Variants in PDE1C observed in about 807,000 individuals in gnomAD.
The protein encoded by PDE1C is dual specificity calcium/calmodulin-dependent 3',5'-cyclic nucleotide phosphodiesterase 1C.
In PDE1C, 62 loss-of-function variants were observed where a neutral mutation model predicts 93.1. That is an observed-to-expected ratio of 0.67 (90% confidence interval 0.54 to 0.82). The LOEUF is 0.82. Among genes scored for constraint, PDE1C ranks in the 40% least tolerant of loss-of-function variants. PDE1C has a pLI of 0.00. For missense variants in PDE1C, 742 were observed against 884.6 expected (o/e 0.84, Z 2.04); for synonymous variants, 325 against 310.1 (o/e 1.05, Z -0.50).
chr7:31,979,938 C>G (rs1365669371), intron 2 of PDE1C, among the ~76,000 whole-genome samples: 1 of 152,158 alleles, frequency 6.6e-6, no homozygotes, highest in Non-Finnish European at 1.5e-5. Context: ...CTCATTTTAT[C>G]CTGACAGCAG....
intron 10 of PDE1C, 57 bp downstream of exon 10, chr7:31,837,813 A>T: frequency 9.3e-7 from 1 of 1,073,236 alleles, no homozygotes; most frequent in Non-Finnish European, 1.5e-6. Context: ...AGCCACATAG[A>T]CGAGGACCCA....
At chr7:31,797,778 C>T (rs184116694) in intron 16 of PDE1C, among the ~76,000 whole-genome samples, 14 of 151,708 alleles carry the variant, frequency 9.2e-5, no homozygotes, top group Admixed American at 2.6e-4. Context: ...TTAAAAACAA[C>T]GCAGTATCGT....
At chr7:32,078,734 G>A (rs1262581957) in intron 3 of PDE1C, among the ~76,000 whole-genome samples, 8 of 152,082 alleles carry the variant, frequency 5.3e-5, no homozygotes, top group Non-Finnish European at 1.2e-4. Context: ...AGATCAGCCT[G>A]GGCAACATGG....
chr7:32,110,808 C>A (rs1243527585), intron 3 of PDE1C, among the ~76,000 whole-genome samples: 1 of 152,274 alleles, frequency 6.6e-6, no homozygotes, highest in Non-Finnish European at 1.5e-5. Context: ...ACATTGGTGA[C>A]CAGTAAAATA....
chr7:31,878,838 A>C (rs1231496763), intron 4 of PDE1C, among the ~76,000 whole-genome samples, 158 bp downstream of exon 4: 1 of 152,226 alleles, frequency 6.6e-6, no homozygotes, highest in Non-Finnish European at 1.5e-5. Context: ...TAAAATAGAT[A>C]TGTTTTTGCC....
intron 16 of PDE1C, among the ~76,000 whole-genome samples, chr7:31,801,686 T>C (rs1176909890): frequency 1.3e-5 from 2 of 151,526 alleles, no homozygotes; most frequent in East Asian, 1.9e-4. Flanking sequence ...AATGATTATA[T>C]TCTCTTGATA....
At chr7:31,643,674 C>A in the PDE1C span, 6 of 1,613,944 alleles carry the variant, frequency 3.7e-6, no homozygotes, top group Non-Finnish European at 5.1e-6. Context: ...CAGCTCTAAG[C>A]AACAAGACCT....
intron 2 of PDE1C, among the ~76,000 whole-genome samples, chr7:32,176,266 G>C (rs1802980117): frequency 6.6e-6 from 1 of 151,978 alleles, no homozygotes; most frequent in African/African-American, 2.4e-5. Flanking sequence ...CTGATAAGGA[G>C]TGATTTCCAA....
chr7:32,359,933 A>C (rs1449709541), intron 1 of PDE1C, among the ~76,000 whole-genome samples: 1 of 152,222 alleles, frequency 6.6e-6, no homozygotes, highest in Non-Finnish European at 1.5e-5. Flanking sequence ...CCACCCAAGC[A>C]CATCCATTCC....
At chr7:32,029,159 T>C (rs30565) in intron 2 of PDE1C, among the ~76,000 whole-genome samples, 130,295 of 152,172 alleles carry the variant, frequency 0.86, 55,987 homozygotes, top group African/African-American at 0.91. Flanking sequence ...CATTGTTAAT[T>C]ATTAGGGAAA....
chr7:31,785,956 C>G (rs764044921), intron 16 of PDE1C: 1 of 152,020 alleles, frequency 6.6e-6, no homozygotes, highest in Admixed American at 6.6e-5. Context: ...GATAATGAGG[C>G]CTTTAATCAT....
At chr7:31,660,113 C>A in the PDE1C span, among the ~76,000 whole-genome samples, 2 of 152,120 alleles carry the variant, frequency 1.3e-5, no homozygotes, top group African/African-American at 2.4e-5. Flanking sequence ...CACCTTCCAC[C>A]ATGATTGTAA....
At chr7:31,972,493 T>C (rs573043558) in intron 2 of PDE1C, among the ~76,000 whole-genome samples, 3 of 152,196 alleles carry the variant, frequency 2.0e-5, no homozygotes, top group Non-Finnish European at 4.4e-5. Flanking sequence ...AGGTAATTCT[T>C]ATTGTCATTG....
intron 1 of PDE1C, among the ~76,000 whole-genome samples, chr7:32,382,104 T>C (rs1322364582): frequency 6.6e-6 from 1 of 151,926 alleles, no homozygotes; most frequent in African/African-American, 2.4e-5. Context: ...TCACATCTGG[T>C]AGATGGCAGA....
intron 2 of PDE1C, among the ~76,000 whole-genome samples, chr7:32,047,422 C>T (rs996139229): frequency 6.6e-6 from 1 of 152,124 alleles, no homozygotes; most frequent in Non-Finnish European, 1.5e-5. Context: ...GGATTTAAAA[C>T]CCAATCCAAT....
intron 2 of PDE1C, among the ~76,000 whole-genome samples, chr7:31,950,276 ATGAGGGTGT>A (rs2129013526): frequency 6.6e-6 from 1 of 152,300 alleles, no homozygotes; most frequent in South Asian, 2.1e-4. Context: ...CAATGGGCTT[ATGAGGGTGT>A]TGACATGAAA....
chr7:32,373,447 C>T (rs374763), intron 1 of PDE1C, among the ~76,000 whole-genome samples: 136,683 of 151,814 alleles, frequency 0.9, 62,492 homozygotes, highest in East Asian at 1. Flanking sequence ...TTAGGGGTTG[C>T]CTAGAGCAGG....
chr7:32,332,330 G>T (rs191532388), intron 1 of PDE1C, among the ~76,000 whole-genome samples: 12 of 152,210 alleles, frequency 7.9e-5, no homozygotes, highest in Non-Finnish European at 1.5e-4. Flanking sequence ...CTGATAATCA[G>T]CTACTGCTAC....
intron 2 of PDE1C, among the ~76,000 whole-genome samples, chr7:31,922,844 A>T (rs544963683): frequency 4.2e-4 from 64 of 151,578 alleles, no homozygotes; most frequent in Admixed American, 2.4e-3. Context: ...TATTTTTTTT[A>T]AAAATTCTCA....
Sources: allele counts gnomAD v4.1 joint callset (sites outside exome capture counted in the v4.1 genomes callset), GRCh38; gene constraint gnomAD v4.1.1; transcripts MANE v1.5; gene names NCBI Gene and HGNC (gene_info 2026-07-23, HGNC 2026-07-21).